TRPV6: variants seen among roughly 807,000 people sequenced by gnomAD.
TRPV6 encodes Alu-binding protein with zinc finger domain.
TRPV6 carries 39 observed loss-of-function variants against 79.0 expected under a neutral mutation model. The observed-to-expected ratio is 0.49, with a 90% CI of 0.38 to 0.64. TRPV6 has a LOEUF of 0.64. Ranked by LOEUF, TRPV6 falls within the 30% of genes least tolerant of loss-of-function variation. The pLI is 0.00. For synonymous variants in TRPV6, 373 were observed against 391.9 expected, an observed-to-expected ratio of 0.95 and a Z score of 0.57; for missense variants, 813 against 1,011.1, an observed-to-expected ratio of 0.80 and a Z score of 2.66.
At chr7:142,884,951 T>C (rs1795272350) in intron 1 of TRPV6, 1 of 153,248 alleles carries the variant, frequency 6.5e-6, no homozygotes, top group African/African-American at 2.4e-5. Context: ...ATTCATTCAA[T>C]CGTTCACTCA....
In TRPV6 at chr7:142,874,900, TCA is replaced by T; in HGVS notation, c.1406+2_1406+3del. ...GGGATGGGAGTGAGAGGAAGGAAAC[TCA>T]CATGAGGACATGGAATGGGCCCCCA... is the stretch of plus-strand genomic sequence containing the variant. On this transcript the variant is annotated splice_donor_variant and splice_donor_region_variant and intron_variant, in intron 10 of 14. Coordinates refer to ENST00000359396, the MANE Select transcript of TRPV6 (RefSeq NM_018646.6). LOFTEE classifies it high-confidence loss of function. 1.9e-6 allele frequency: 3 copies of T among 1,613,964 alleles called. No individual in the cohort carries two copies. The highest frequency in any genetic ancestry group is 2.5e-6 in the Non-Finnish European group (3 of 1,180,010).
intron 6 of TRPV6, 134 bp downstream of exon 6, chr7:142,876,274 G>A (rs959584627): frequency 1.5e-6 from 2 of 1,321,224 alleles, no homozygotes; most frequent in South Asian, 2.9e-5. Flanking sequence ...CACAGTGGGA[G>A]GGGTTGAAAA....
chr7:142,873,856 C>A lies in TRPV6; in HGVS notation c.1640-140G>T. 2 of 1,270,636 alleles carry A rather than the reference C, an allele frequency of 1.6e-6. No homozygotes were observed. The highest frequency in any genetic ancestry group is 1.4e-5 in the South Asian group (1 of 69,988). The allele number at this position is 1,270,636 out of a possible 1,614,324, so 78.7% of individuals were successfully genotyped here. The stretch of plus-strand genomic sequence containing the variant: ...CAGTGCTCCAAACTTTGGGTTTTTA[C>A]GGTCCCTAGTTTTGTATGAGCCTCA... On this transcript the variant is annotated intron_variant, in intron 12 of 14. Transcript: ENST00000359396. The surrounding 1 kb of genome is among the most constrained non-coding windows in gnomAD (Gnocchi z 4.8).
In TRPV6 at chr7:142,873,437, A is replaced by G. The variant is rs779268258; in HGVS notation, c.1908+11T>C. ...ACTTGCCCTAACCCTCCCTGCCACCAGGGGGCTCACCTGGGCCCTCCACAG... is the reference window on the plus strand; with the variant it reads ...ACTTGCCCTAACCCTCCCTGCCACCGGGGGGCTCACCTGGGCCCTCCACAG... On this transcript the variant is annotated intron_variant, in intron 13 of 14. Transcript: ENST00000359396. The surrounding 1 kb of genome is among the most constrained non-coding windows in gnomAD (Gnocchi z 4.8). 1 of 1,612,230 alleles carries G rather than the reference A, an allele frequency of 6.2e-7. No homozygotes were observed. The highest frequency in any genetic ancestry group is 8.5e-7 in the Non-Finnish European group (1 of 1,178,686).
intron 10 of TRPV6, 104 bp downstream of exon 10, chr7:142,874,798 TAG>T: frequency 6.4e-7 from 1 of 1,553,646 alleles, no homozygotes; most frequent in Admixed American, 1.7e-5. Flanking sequence ...CACACAGCAC[TAG>T]AGAGGGGGCT....
At chr7:142,875,413 C>G in intron 8 of TRPV6, 55 bp downstream of exon 8, 1 of 1,507,938 alleles carries the variant, frequency 6.6e-7, no homozygotes, top group Non-Finnish European at 8.9e-7. Flanking sequence ...ACACCAGTCT[C>G]TGAGGACAGA....
Position 142,876,588 on chromosome 7 carries a change from G to A in TRPV6, c.707-5C>T. On this transcript the variant is annotated splice_polypyrimidine_tract_variant and splice_region_variant and intron_variant, in intron 5 of 14. Coordinates refer to ENST00000359396, the MANE Select transcript of TRPV6 (RefSeq NM_018646.6). ...GGATGTGTAACACTGTGTTTCCTGG[G>A]GAGGACACAGGGTATCATGTGGCCA... 6.2e-7 allele frequency: 1 copy of A among 1,613,978 alleles called. No individual in the cohort carries two copies. The highest frequency in any genetic ancestry group is 8.5e-7 in the Non-Finnish European group (1 of 1,179,934).
At chr7:142,877,333 G>A (rs1035996906) in intron 3 of TRPV6, 54 bp from the exon 4 acceptor site, 12 of 1,600,694 alleles carry the variant, frequency 7.5e-6, no homozygotes, top group African/African-American at 1.3e-5. Context: ...CCTGCAGGGG[G>A]TCCCTCCCAT....
In TRPV6 at chr7:142,873,876, G is replaced by T; in HGVS notation, c.1640-160C>A. ...TTTTACGGTCCCTAGTTTTGTATGAGCCTCATCTTGATCCTAAGAGCCACC... is the reference window on the plus strand; with the variant it reads ...TTTTACGGTCCCTAGTTTTGTATGATCCTCATCTTGATCCTAAGAGCCACC... On this transcript the variant is annotated intron_variant, in intron 12 of 14. Coordinates refer to ENST00000359396, the MANE Select transcript of TRPV6 (RefSeq NM_018646.6). The surrounding 1 kb of genome is among the most constrained non-coding windows in gnomAD (Gnocchi z 4.8). The T allele has an allele frequency of 8.9e-7, 1 of 1,126,598 alleles. No homozygotes were observed. The highest frequency in any genetic ancestry group is 1.3e-6 in the Non-Finnish European group (1 of 787,470). 69.8% of individuals were successfully genotyped at this position (1,126,598 alleles called of 1,614,324 possible).
Position 142,873,809 on chromosome 7 carries a change from C to CATCTCAAT in TRPV6, c.1640-101_1640-94dup. The CATCTCAAT allele has an allele frequency of 6.5e-7, 1 of 1,534,726 alleles. No homozygotes were observed. The highest frequency in any genetic ancestry group is 8.9e-7 in the Non-Finnish European group (1 of 1,120,278). On this transcript the variant is annotated intron_variant, in intron 12 of 14. Transcript: ENST00000359396. This position sits in a 1 kb window ranked among gnomAD's most constrained non-coding sequence, Gnocchi z 4.8. Reference sequence around the variant, plus strand: ...GCGTGCATGTCCATCCTGGTCCCTTCATCTCAATATCACCAGCTCTGCAGT... The same window carrying CATCTCAAT: ...GCGTGCATGTCCATCCTGGTCCCTTCATCTCAATATCTCAATATCACCAGCTCTGCAGT...
intron 4 of TRPV6, 91 bp downstream of exon 4, chr7:142,877,051 C>A (rs569316420): frequency 6.7e-7 from 1 of 1,500,496 alleles, no homozygotes; most frequent in Non-Finnish European, 8.9e-7. Flanking sequence ...CCAACAGATA[C>A]GGCTGAAGAC....
In TRPV6 at chr7:142,875,531, C is replaced by T; in HGVS notation, c.1179G>A (p.Lys393=). The change falls in exon 8 of 15, where the codon AAG becomes AAA. Residue 393 remains lysine, a synonymous_variant. Coordinates refer to ENST00000359396, the MANE Select transcript of TRPV6 (RefSeq NM_018646.6). ...GGCTCGTGCGGTTATTGGTCCTGGGCTTGAGGGGGCGGTAGATGCAGCACA... is the reference window on the plus strand; with the variant it reads ...GGCTCGTGCGGTTATTGGTCCTGGGTTTGAGGGGGCGGTAGATGCAGCACA... 1 of 1,611,412 alleles carries T rather than the reference C, an allele frequency of 6.2e-7. No homozygotes were observed.
At position 142,871,759 on chromosome 7, in the gene TRPV6, C is replaced by T. The variant is rs768222646; in HGVS notation, c.2246G>A (p.Gly749Glu). The change falls in exon 15 of 15, where the codon GGG (glycine) becomes GAG (glutamate). Residue 749 changes from glycine (G) to glutamate (E), a missense_variant. By Grantham distance (98) the Gly-to-Glu change is moderately conservative. Around this residue, in one of 3 missense-constraint regions of TRPV6, gnomAD observed 164 missense variants for 186.1 expected, o/e 0.88. Transcript: ENST00000359396. ...GTCCTCCAGACCCCTGTTGATTATC[C>T]CACGCAGGTCTCTCCTCAGGGTCCC... The T allele has an allele frequency of 6.2e-7, 1 of 1,613,728 alleles. No individual in the cohort carries two copies. The highest frequency in any genetic ancestry group is 2.2e-5 in the East Asian group (1 of 44,888).
intron 3 of TRPV6, 47 bp from the exon 4 acceptor site, chr7:142,877,326 G>A (rs1339571536): frequency 1.9e-6 from 3 of 1,603,412 alleles, no homozygotes; most frequent in Non-Finnish European, 2.6e-6. Flanking sequence ...CCAGGATCCT[G>A]CAGGGGGTCC....
At chr7:142,872,527 C>CA in intron 13 of TRPV6, 49 bp from the exon 14 acceptor site, 2 of 1,568,262 alleles carry the variant, frequency 1.3e-6, no homozygotes, top group Non-Finnish European at 1.7e-6. Flanking sequence ...TGGGCGCAGA[C>CA]AGAGGTAGGG....
chr7:142,884,949 A>G (rs1795272283), intron 1 of TRPV6: 1 of 153,036 alleles, frequency 6.5e-6, no homozygotes, highest in Admixed American at 6.5e-5. Context: ...TCATTCATTC[A>G]ATCGTTCACT....
chr7:142,875,933 C>A, intron 6 of TRPV6, 29 bp from the exon 7 acceptor site: 2 of 1,548,000 alleles, frequency 1.3e-6, no homozygotes, highest in South Asian at 1.3e-5. Flanking sequence ...GACTCAGGAG[C>A]AGTAAGCAAA....
At chr7:142,874,213 G>T in intron 11 of TRPV6, 71 bp from the exon 12 acceptor site, 1 of 1,524,512 alleles carries the variant, frequency 6.6e-7, no homozygotes, top group Non-Finnish European at 9.0e-7. Context: ...GCCTCTAACA[G>T]GTCTCACCCC....
intron 11 of TRPV6, among the ~76,000 whole-genome samples, 166 bp downstream of exon 11, chr7:142,874,324 AG>A (rs956547685): frequency 4.6e-5 from 7 of 152,218 alleles, no homozygotes; most frequent in African/African-American, 1.4e-4. Flanking sequence ...TGAACTGAAA[AG>A]GGTTTCTACA....
Sources: allele counts gnomAD v4.1 joint callset (sites outside exome capture counted in the v4.1 genomes callset), GRCh38; gene constraint gnomAD v4.1.1; regional missense constraint gnomAD v4.1.1; non-coding constraint Gnocchi (gnomAD v3.1); transcripts MANE v1.5; gene names NCBI Gene and HGNC (gene_info 2026-07-23, HGNC 2026-07-21).